Variants in GYPB observed in about 807,000 individuals in gnomAD.
The protein encoded by GYPB is glycophorin-B.
In GYPB, 13 loss-of-function variants were observed where a neutral mutation model predicts 15.3. The observed-to-expected ratio is 0.85, with a 90% CI of 0.55 to 1.35. The LOEUF (loss-of-function observed/expected upper bound fraction) is 1.35, where lower values mean the gene tolerates loss of function less well. Among genes scored for constraint, GYPB ranks in the 40% most tolerant of loss-of-function variants. The probability of loss-of-function intolerance (pLI) is 0.00; values close to 1 mark genes in which losing one functional copy is unlikely to be tolerated. For synonymous variants in GYPB, 38 were observed against 36.9 expected, an observed-to-expected ratio of 1.03 and a Z score of -0.11; for missense variants, 131 against 108.3, an observed-to-expected ratio of 1.21 and a Z score of -0.93.
intron 3 of GYPB, 152 bp downstream of exon 3, chr4:143,999,259 A>C: frequency 1.7e-6 from 1 of 572,930 alleles, no homozygotes; most frequent in Admixed American, 3.8e-5. Context: ...TTAAAAAGAG[A>C]ATATTTTCTT....
At chr4:144,014,996 C>T (rs1579071083) in intron 1 of GYPB, among the ~76,000 whole-genome samples, 2 of 151,262 alleles carry the variant, frequency 1.3e-5, no homozygotes, top group South Asian at 4.1e-4. Context: ...AGAAAGATGA[C>T]ATCATTTTTC....
intron 1 of GYPB, among the ~76,000 whole-genome samples, chr4:144,017,108 T>C (rs886600070): frequency 6.6e-6 from 1 of 151,008 alleles, no homozygotes; most frequent in East Asian, 1.9e-4. Flanking sequence ...GTATCCTCCA[T>C]GGGAGCCCAT....
chr4:143,996,262 G>A lies in GYPB; in HGVS notation c.*37C>T, dbSNP rs769983972. 6.4e-7 allele frequency: 1 copy of A among 1,550,644 alleles called. No homozygotes were observed. Among genetic ancestry groups the A allele is most frequent in the South Asian group, 1.2e-5 (1 of 84,046 alleles). ...AACAAGAGAACAGCAGGTGCAGCCG[G>A]TTCTAGGCAAGATCAGGCAGCATGC... On this transcript the variant is annotated 3_prime_UTR_variant, in exon 5 of 5. Transcript: ENST00000502664.
At chr4:143,997,081 A>AT (rs1727360521) in intron 4 of GYPB, among the ~76,000 whole-genome samples, 1 of 150,826 alleles carries the variant, frequency 6.6e-6, no homozygotes, top group South Asian at 2.1e-4. Context: ...TAATTTTCAT[A>AT]TTTTTTGTAT....
intron 1 of GYPB, among the ~76,000 whole-genome samples, chr4:144,011,938 TA>T (rs1295768226): frequency 6.6e-6 from 1 of 152,078 alleles, no homozygotes; most frequent in African/African-American, 2.4e-5. Context: ...TTGCCTCAAA[TA>T]GCTGTACTAT....
Position 143,998,135 on chromosome 4 carries a change from G to A in GYPB, c.176-501C>T, listed in dbSNP as rs541797236. 4.8e-3 allele frequency among the ~76,000 whole-genome samples: 721 copies of A among 151,444 alleles called. 9 individuals carry two copies. The highest frequency in any genetic ancestry group is 7.9e-3 in the Non-Finnish European group (534 of 67,994). ...AATAAGGTTAACTTAGCCTTGGTCA[G>A]ACAACTAGTTAAAAGTAGAATTATA... On this transcript the variant is annotated intron_variant, in intron 3 of 4. Transcript: ENST00000502664.
In GYPB at chr4:144,016,048, T is replaced by G. The variant is rs1228516900; in HGVS notation, c.37+3203A>C. On this transcript the variant is annotated intron_variant, in intron 1 of 4. Transcript: ENST00000502664. ...GACACAGGTTTGGCTTTTCAAGAAT[T>G]TATAGTCATGTATTCCCTGGCATAC... Among the ~76,000 whole-genome samples, 6 of 147,142 alleles carry G rather than the reference T, an allele frequency of 4.1e-5. No homozygotes were observed. In the East Asian group the frequency reaches 1.2e-3, roughly 29 times the overall value.
At chr4:144,004,699 C>T (rs1164436841) in intron 1 of GYPB, among the ~76,000 whole-genome samples, 1 of 151,594 alleles carries the variant, frequency 6.6e-6, no homozygotes, top group Non-Finnish European at 1.5e-5. Flanking sequence ...ACCAAATTTC[C>T]ACAATATGAT....
chr4:144,007,990 T>C (rs1383012651), intron 1 of GYPB, among the ~76,000 whole-genome samples: 3 of 151,402 alleles, frequency 2.0e-5, no homozygotes, highest in South Asian at 4.1e-4. Flanking sequence ...TGGAAATCTG[T>C]ATGTCTAAGA....
Position 144,010,593 on chromosome 4 carries a change from T to G in GYPB, c.37+8658A>C, listed in dbSNP as rs375280911. Among the ~76,000 whole-genome samples, 19 of 151,182 alleles carry G rather than the reference T, an allele frequency of 1.3e-4. 3 individuals carry two copies. Among genetic ancestry groups the G allele is most frequent in the African/African-American group, 3.7e-4 (15 of 40,796 alleles). ...GTGTGTGTGAGTCTGTGTGCTGTGA[T>G]TTGTAGTGCACATTAACTATGTCTC... On this transcript the variant is annotated intron_variant, in intron 1 of 4. Coordinates refer to ENST00000502664, the MANE Select transcript of GYPB (RefSeq NM_002100.6).
intron 1 of GYPB, among the ~76,000 whole-genome samples, chr4:144,006,531 T>C (rs1160329122): frequency 1.3e-5 from 2 of 151,980 alleles, no homozygotes; most frequent in African/African-American, 2.4e-5. Flanking sequence ...TTAGAAACAA[T>C]AAAAATAAAA....
chr4:144,013,623 C>T (rs1431008620), intron 1 of GYPB, among the ~76,000 whole-genome samples: 1 of 151,018 alleles, frequency 6.6e-6, no homozygotes, highest in African/African-American at 2.5e-5. Context: ...TTTGTAGGGA[C>T]ATGGATGAAA....
intron 1 of GYPB, among the ~76,000 whole-genome samples, chr4:144,003,205 A>C (rs1475575676): frequency 6.6e-6 from 1 of 151,502 alleles, no homozygotes; most frequent in Non-Finnish European, 1.5e-5. Flanking sequence ...AATGTTAGAT[A>C]TGAGCTTTGG....
At position 144,016,140 on chromosome 4, in the gene GYPB, G is replaced by GA. The variant is rs10594193; in HGVS notation, c.37+3110dup. Among the ~76,000 whole-genome samples the GA allele has an allele frequency of 8.7e-4, 34 of 38,860 alleles. 1 individual carries two copies. Among genetic ancestry groups the GA allele is most frequent in the African/African-American group, 3.4e-3 (32 of 9,512 alleles). The allele number at this position is 38,860 out of a possible 152,430, so 25.5% of individuals were successfully genotyped here. A position where few individuals can be genotyped will look rare whatever the true frequency, so the allele number is the denominator to read the frequency against. On this transcript the variant is annotated intron_variant, in intron 1 of 4. Transcript: ENST00000502664. ...AGCAAGGCTCTCTTCTTGGATCCCTGAAAAAAAAAAAAAAAAAAAAAAAAA... is the reference window on the plus strand; with the variant it reads ...AGCAAGGCTCTCTTCTTGGATCCCTGAAAAAAAAAAAAAAAAAAAAAAAAAA...
chr4:144,011,526 T>A (rs2149966943), intron 1 of GYPB, among the ~76,000 whole-genome samples: 1 of 151,404 alleles, frequency 6.6e-6, no homozygotes, highest in South Asian at 2.1e-4. Context: ...GATTCTTAAG[T>A]AATTATGGAC....
At position 144,016,140 on chromosome 4, in the gene GYPB, GAAAAAAAA is replaced by G. The variant is rs10594193; in HGVS notation, c.37+3103_37+3110del. Among the ~76,000 whole-genome samples the G allele has an allele frequency of 2.8e-4, 11 of 38,848 alleles. 1 individual carries two copies. The highest frequency in any genetic ancestry group is 3.2e-4 in the African/African-American group (3 of 9,500). 25.5% of individuals were successfully genotyped at this position (38,848 alleles called of 152,430 possible). A position where few individuals can be genotyped will look rare whatever the true frequency, so the allele number is the denominator to read the frequency against. On this transcript the variant is annotated intron_variant, in intron 1 of 4. Coordinates refer to ENST00000502664, the MANE Select transcript of GYPB (RefSeq NM_002100.6). ...AGCAAGGCTCTCTTCTTGGATCCCT[GAAAAAAAA>G]AAAAAAAAAAAAAAAAAAAAAAGAG...
chr4:144,017,067 C>T (rs994303884), intron 1 of GYPB, among the ~76,000 whole-genome samples: 33 of 150,600 alleles, frequency 2.2e-4, no homozygotes, highest in East Asian at 1.4e-3. Context: ...ATCTGCATTC[C>T]CTCCCACCAT....
chr4:144,008,495 A>T (rs1343388201), intron 1 of GYPB: 1 of 455,258 alleles, frequency 2.2e-6, no homozygotes, highest in South Asian at 1.5e-5. Context: ...GGTTCTGGTT[A>T]TTAACAGTCT....
chr4:144,013,109 C>T (rs1428451450), intron 1 of GYPB, among the ~76,000 whole-genome samples: 1 of 151,468 alleles, frequency 6.6e-6, no homozygotes, highest in Non-Finnish European at 1.5e-5. Flanking sequence ...AACAGAAAGA[C>T]AAAAATAAAT....
Sources: allele counts gnomAD v4.1 joint callset (sites outside exome capture counted in the v4.1 genomes callset), GRCh38; gene constraint gnomAD v4.1.1; transcripts MANE v1.5; gene names NCBI Gene and HGNC (gene_info 2026-07-23, HGNC 2026-07-21).